SCNN1A: variants seen among roughly 807,000 people sequenced by gnomAD.
The protein encoded by SCNN1A is sodium channel epithelial 1 subunit alpha.
SCNN1A carries 65 observed loss-of-function variants against 68.6 expected under a neutral mutation model. The observed-to-expected ratio is 0.95, with a 90% confidence interval of 0.78 to 1.16. The LOEUF is 1.16. Among genes scored for constraint, SCNN1A ranks in the 50% most tolerant of loss-of-function variants. The pLI, the probability that SCNN1A is intolerant of heterozygous loss-of-function variation, is 0.00. For synonymous variants in SCNN1A, 357 were observed against 353.3 expected, an observed-to-expected ratio of 1.01 and a Z score of -0.12; for missense variants, 880 against 865.9, an observed-to-expected ratio of 1.02 and a Z score of -0.20.
chr12:6,350,357 G>A (rs111610647), intron 8 of SCNN1A, among the ~76,000 whole-genome samples: 13 of 150,792 alleles, frequency 8.6e-5, no homozygotes, highest in Non-Finnish European at 1.5e-4. Flanking sequence ...GCGTGAACCC[G>A]GGAGGCGGAG....
At chr12:6,367,484 A>G (rs1258321342) in intron 2 of SCNN1A, among the ~76,000 whole-genome samples, 1 of 152,256 alleles carries the variant, frequency 6.6e-6, no homozygotes, top group East Asian at 1.9e-4. Context: ...CACAGGGAAG[A>G]ATTCCAGAAA....
chr12:6,357,959 T>C (rs1483714692), intron 4 of SCNN1A, among the ~76,000 whole-genome samples: 2 of 152,074 alleles, frequency 1.3e-5, no homozygotes, highest in African/African-American at 2.4e-5. Context: ...GATTGCGCCA[T>C]TGCACTCCAG....
chr12:6,368,791 G>A (rs1389566797), intron 2 of SCNN1A, among the ~76,000 whole-genome samples: 2 of 152,180 alleles, frequency 1.3e-5, no homozygotes, highest in Non-Finnish European at 2.9e-5. Context: ...GAGATGTAGG[G>A]CCTGGTGTTC....
Position 6,361,477 on chromosome 12 carries a change from C to T in SCNN1A, c.875+574G>A, listed in dbSNP as rs544003858. Among the ~76,000 whole-genome samples the T allele has an allele frequency of 2.6e-3, 391 of 152,234 alleles. 2 individuals are homozygous for T. The highest frequency in any genetic ancestry group is 0.02 in the Middle Eastern group (6 of 294). On this transcript the variant is annotated intron_variant, in intron 4 of 12. Transcript: ENST00000228916. ...GACCCTGGCCAGGCATGGTGGCTCA[C>T]GCCTGTAATCCCAGCACTTTGGGAG... is the stretch of plus-strand genomic sequence containing the variant.
intron 4 of SCNN1A, among the ~76,000 whole-genome samples, chr12:6,359,320 G>A (rs1027199751): frequency 2.0e-5 from 3 of 151,728 alleles, no homozygotes; most frequent in Non-Finnish European, 4.4e-5. Flanking sequence ...TATCGGGGAG[G>A]AAAGGGGTGA....
At position 6,375,510 on chromosome 12, in the gene SCNN1A, A is replaced by T. The variant is rs1022176722; in HGVS notation, c.-60T>A. 3.6e-5 allele frequency: 56 copies of T among 1,534,814 alleles called. No homozygotes were observed. The highest frequency in any genetic ancestry group is 4.9e-5 in the Non-Finnish European group (56 of 1,146,480). Reference sequence around the variant, plus strand: ...AAACCTCTCCTCCCCCTCACCTGACAGGTGCAGCGGCCTGGCTGGGGAGCC... The same window carrying T: ...AAACCTCTCCTCCCCCTCACCTGACTGGTGCAGCGGCCTGGCTGGGGAGCC... On this transcript the variant is annotated 5_prime_UTR_variant, in exon 1 of 13. Transcript: ENST00000228916.
chr12:6,349,523 T>C, intron 8 of SCNN1A, 118 bp from the exon 9 acceptor site: 1 of 747,818 alleles, frequency 1.3e-6, no homozygotes, highest in Non-Finnish European at 2.4e-6. Flanking sequence ...TTTAGCATTA[T>C]AATGATGCCT....
chr12:6,375,835 G>C, upstream of SCNN1A: 4 of 1,346,906 alleles, frequency 3.0e-6, no homozygotes, highest in Non-Finnish European at 3.8e-6. Flanking sequence ...AGGAGAAGGG[G>C]CCAGCCAGGC....
rs974854786 is a variant in SCNN1A, at chr12:6,355,777, C to A, written c.979G>T (p.Gly327Cys). Residue 327 changes from glycine to cysteine, a missense_variant and splice_region_variant, in exon 5 of 13, where the codon GGT becomes TGT. Gly to Cys is a radical substitution (Grantham distance 159). Transcript: ENST00000228916. ...WMSSMPGINNGLSLMLRAEQN... is the reference protein window; with the variant it reads ...WMSSMPGINNCLSLMLRAEQN... ...ATGGAGCAAGCAGGGAGCTTCTCAC[C>A]GTTGTTGATTCCAGGCATGGAAGAC... is the stretch of plus-strand genomic sequence containing the variant. 1 of 1,601,698 alleles carries A rather than the reference C, an allele frequency of 6.2e-7. No individual in the cohort carries two copies. The highest frequency in any genetic ancestry group is 1.7e-5 in the Admixed American group (1 of 59,982).
chr12:6,354,186 G>A (rs1306948677), intron 8 of SCNN1A, among the ~76,000 whole-genome samples: 5 of 151,826 alleles, frequency 3.3e-5, no homozygotes, highest in South Asian at 2.1e-4. Context: ...AGCCGAGATC[G>A]CGCCACTGCT....
At chr12:6,369,315 ACGCACC>A (rs1948739922) in intron 2 of SCNN1A, among the ~76,000 whole-genome samples, 1 of 134,780 alleles carries the variant, frequency 7.4e-6, no homozygotes, top group Non-Finnish European at 1.7e-5. Context: ...CTGCCACCCT[ACGCACC>A]TCCCTCCTGC....
At chr12:6,362,564 A>AT (rs1019035003) in intron 3 of SCNN1A, among the ~76,000 whole-genome samples, 7 of 152,100 alleles carry the variant, frequency 4.6e-5, no homozygotes, top group Non-Finnish European at 1.0e-4. Context: ...AGACTGAGGG[A>AT]TCAAGAGATT....
chr12:6,355,643 C>A, intron 5 of SCNN1A, 134 bp downstream of exon 5: 1 of 903,792 alleles, frequency 1.1e-6, no homozygotes, highest in Non-Finnish European at 1.9e-6. Context: ...ATGCCTGGAA[C>A]GGACTATGTG....
At position 6,375,556 on chromosome 12, in the gene SCNN1A, A is replaced by T. The variant is rs1439446032; in HGVS notation, c.-106T>A. The T allele has an allele frequency of 1.0e-5, 16 of 1,532,552 alleles. No homozygotes were observed. Among genetic ancestry groups the T allele is most frequent in the South Asian group, 7.1e-5 (6 of 83,968 alleles). 94.9% of individuals were successfully genotyped at this position (1,532,552 alleles called of 1,614,324 possible). On this transcript the variant is annotated 5_prime_UTR_variant, in exon 1 of 13. Transcript: ENST00000228916. ...GAGCCCGCCCGCTGGCCGGCCAGGG[A>T]TGGAAGCGACAGGAATCTCATTAGC...
chr12:6,349,018 G>T lies in SCNN1A; in HGVS notation c.1498-13C>A, dbSNP rs753870667. The T allele has an allele frequency of 6.2e-7, 1 of 1,613,876 alleles. No homozygotes were observed. The highest frequency in any genetic ancestry group is 1.1e-5 in the South Asian group (1 of 91,084). ...GGAAGACCCATTCCTAGGAAAGAAT[G>T]GGGGTGTCATCAAGGTCACTCCCAT... On this transcript the variant is annotated splice_polypyrimidine_tract_variant and intron_variant, in intron 10 of 12. Coordinates refer to ENST00000228916, the MANE Select transcript of SCNN1A (RefSeq NM_001038.6).
At chr12:6,352,942 C>T (rs1056083045) in intron 8 of SCNN1A, among the ~76,000 whole-genome samples, 1 of 152,350 alleles carries the variant, frequency 6.6e-6, no homozygotes, top group African/African-American at 2.4e-5. Context: ...GATGGCCCTC[C>T]GCCCACCCTG....
At chr12:6,365,890 T>A (rs1948667875) in intron 2 of SCNN1A, among the ~76,000 whole-genome samples, 1 of 151,260 alleles carries the variant, frequency 6.6e-6, no homozygotes, top group Admixed American at 6.6e-5. Context: ...TGAGACGGAG[T>A]CTCAATTGCC....
chr12:6,348,046 G>T lies in SCNN1A; in HGVS notation c.1837C>A (p.Pro613Thr), dbSNP rs1237044151. ...QEVASTLASS[P>T]PSHFCPHPMS... ...GGGTGGGGGCAGAAGTGGGAAGGAG[G>T]GGAGGATGCCAGGGTGGAGGCTACC... The change falls in exon 13 of 13, where the codon CCT (proline) becomes ACT (threonine). Residue 613 changes from proline (P) to threonine (T), a missense_variant. By Grantham distance (38) the Pro-to-Thr change is conservative. Transcript: ENST00000228916. The T allele has an allele frequency of 5.6e-6, 9 of 1,610,778 alleles. No homozygotes were observed. The highest frequency in any genetic ancestry group is 5.9e-6 in the Non-Finnish European group (7 of 1,178,428).
Position 6,362,225 on chromosome 12 carries a change from G to T in SCNN1A, c.701C>A (p.Ser234Ter), listed in dbSNP as rs761907917. Residue 234 changes from serine (S) to a stop codon, truncating the protein, a stop_gained, in exon 4 of 13, where the codon TCG (serine) becomes TAG (stop). Coordinates refer to ENST00000228916, the MANE Select transcript of SCNN1A (RefSeq NM_001038.6). LOFTEE classifies it high-confidence loss of function. ...TGAGTATGTCTGGTAGAAGCAGTCC[G>T]ATTTGTTCTGGTTGCACTGGACACA... ...IGFQLCNQNKSDCFYQTYSSG... is the reference protein window; with the variant it reads ...IGFQLCNQNK The T allele has an allele frequency of 6.2e-7, 1 of 1,614,122 alleles. No homozygotes were observed. The highest frequency in any genetic ancestry group is 2.2e-5 in the East Asian group (1 of 44,876).
Sources: gnomAD v4.1 joint callset for allele counts (sites outside exome capture counted in the v4.1 genomes callset) on GRCh38, gnomAD v4.1.1 for gene constraint, MANE v1.5 for transcripts, NCBI Gene and HGNC (gene_info 2026-07-23, HGNC 2026-07-21) for gene names.